Variants in EDARADD observed in about 807,000 individuals in gnomAD.
EDARADD encodes the protein EDAR associated via death domain, also known as ectodysplasin-A receptor-associated adapter protein.
Under a neutral mutation model 25.6 loss-of-function variants are expected in EDARADD, and 20 were observed. The ratio of observed to expected loss-of-function variants is 0.78; its 90% CI spans 0.55 to 1.14. The LOEUF is 1.14. Ranked by LOEUF, EDARADD falls within the 50% of genes most tolerant of loss-of-function variation. EDARADD has a pLI of 0.00. For missense variants in EDARADD, 225 were observed against 270.1 expected (o/e 0.83, Z 1.17); for synonymous variants, 86 against 94.4 (o/e 0.91, Z 0.52).
chr1:236,375,917 T>G (rs548780012), intron 3 of EDARADD, among the ~76,000 whole-genome samples: 71 of 149,038 alleles, frequency 4.8e-4, no homozygotes, highest in African/African-American at 1.6e-3. Context: ...AAAAAGAATG[T>G]TTTTATTTTA....
intron 3 of EDARADD, among the ~76,000 whole-genome samples, chr1:236,354,520 G>A (rs796733428): frequency 4.6e-5 from 7 of 152,240 alleles, no homozygotes; most frequent in South Asian, 2.1e-4. Flanking sequence ...AGTTACCAAC[G>A]AATGAAGGGT....
Position 236,446,888 on chromosome 1 carries a change from A to T in EDARADD, c.219+19438A>T, listed in dbSNP as rs1409665748. On this transcript the variant is annotated intron_variant, in intron 4 of 5. Coordinates refer to ENST00000334232, the MANE Select transcript of EDARADD (RefSeq NM_145861.4). ...ATGAAGTGTGCACGCACTGTAACGC[A>T]TGTGAATATTTAGTGTCCACATTTG... Among the ~76,000 whole-genome samples the T allele has an allele frequency of 4.6e-5, 7 of 152,334 alleles. 1 individual carries two copies. In the South Asian group the frequency reaches 1.4e-3, roughly 32 times the overall value.
At chr1:236,463,904 G>A (rs1229485698) in intron 4 of EDARADD, among the ~76,000 whole-genome samples, 2 of 152,112 alleles carry the variant, frequency 1.3e-5, no homozygotes, top group Non-Finnish European at 2.9e-5. Context: ...TACACTCCAG[G>A]CCCAGTGGAA....
chr1:236,384,941 C>G (rs1667335163), intron 3 of EDARADD, among the ~76,000 whole-genome samples: 2 of 151,880 alleles, frequency 1.3e-5, no homozygotes. Flanking sequence ...TGGATACTCA[C>G]CTTTGTTATA....
At chr1:236,428,891 C>G (rs1034309279) in intron 4 of EDARADD, among the ~76,000 whole-genome samples, 1 of 151,976 alleles carries the variant, frequency 6.6e-6, no homozygotes, top group Admixed American at 6.6e-5. Context: ...CCCGGCGCCT[C>G]GGGAGGCCGA....
At chr1:236,452,036 G>T (rs1052413231) in intron 4 of EDARADD, among the ~76,000 whole-genome samples, 11 of 152,184 alleles carry the variant, frequency 7.2e-5, no homozygotes, top group East Asian at 1.9e-4. Context: ...ATCCAGGGCG[G>T]CTCCAGCTAG....
chr1:236,454,514 G>C (rs894656389), intron 4 of EDARADD, among the ~76,000 whole-genome samples: 1 of 152,138 alleles, frequency 6.6e-6, no homozygotes, highest in Non-Finnish European at 1.5e-5. Context: ...CCTAGGCTTG[G>C]TGTCATCCAG....
intron 2 of EDARADD, among the ~76,000 whole-genome samples, chr1:236,350,007 G>A (rs969422641): frequency 6.6e-6 from 1 of 152,320 alleles, no homozygotes; most frequent in African/African-American, 2.4e-5. Context: ...AGCTACTCAG[G>A]AGGCTGAGGC....
At chr1:236,403,880 T>C (rs1157139783) in intron 1 of EDARADD, among the ~76,000 whole-genome samples, 1 of 152,132 alleles carries the variant, frequency 6.6e-6, no homozygotes, top group African/African-American at 2.4e-5. Flanking sequence ...CTTTCCAGAA[T>C]ATGCTTGAGG....
chr1:236,457,573 C>A (rs944477368), intron 4 of EDARADD, among the ~76,000 whole-genome samples: 3 of 151,936 alleles, frequency 2.0e-5, no homozygotes, highest in East Asian at 1.9e-4. Flanking sequence ...GTAATCCCAG[C>A]ACTTTGGGAG....
At chr1:236,449,954 A>T (rs1658665486) in intron 4 of EDARADD, among the ~76,000 whole-genome samples, 1 of 152,164 alleles carries the variant, frequency 6.6e-6, no homozygotes, top group Admixed American at 6.5e-5. Context: ...TACAAAAATT[A>T]GCCGGGTGTA....
At position 236,483,952 on chromosome 1, in the gene EDARADD, T is replaced by G. The variant is rs780044781; in HGVS notation, c.*1303T>G. ...GGAAAGTATGACCTGGAATTCAAGT[T>G]TCTCGACGACCCCACCAGGTACATC... On this transcript the variant is annotated 3_prime_UTR_variant, in exon 6 of 6. Transcript: ENST00000334232. The G allele has an allele frequency of 6.9e-5, 95 of 1,374,258 alleles. No homozygotes were observed. The highest frequency in any genetic ancestry group is 9.3e-5 in the Non-Finnish European group (90 of 964,308). 85.1% of individuals were successfully genotyped at this position (1,374,258 alleles called of 1,614,324 possible).
intron 2 of EDARADD, among the ~76,000 whole-genome samples, chr1:236,413,441 A>G (rs1397287368): frequency 6.6e-6 from 1 of 152,158 alleles, no homozygotes; most frequent in Admixed American, 6.5e-5. Flanking sequence ...GGAGGAAGAC[A>G]TGGGTGGAGA....
intron 4 of EDARADD, among the ~76,000 whole-genome samples, chr1:236,434,646 T>C (rs1658194184): frequency 1.3e-5 from 2 of 152,006 alleles, no homozygotes; most frequent in African/African-American, 4.8e-5. Context: ...GAAGCCCAAA[T>C]ATTGGACACC....
intron 1 of EDARADD, among the ~76,000 whole-genome samples, chr1:236,396,387 T>C (rs1022297127): frequency 5.9e-5 from 9 of 152,216 alleles, no homozygotes; most frequent in African/African-American, 1.2e-4. Flanking sequence ...TGGGTGTTTC[T>C]TGAACACACG....
intron 3 of EDARADD, among the ~76,000 whole-genome samples, chr1:236,365,639 TTTC>T (rs1269002318): frequency 1.3e-5 from 2 of 152,146 alleles, no homozygotes; most frequent in Non-Finnish European, 2.9e-5. Context: ...TTGGGTCTGA[TTTC>T]TTAGATTTGT....
chr1:236,377,380 T>C (rs926956844), intron 3 of EDARADD, among the ~76,000 whole-genome samples: 23 of 150,032 alleles, frequency 1.5e-4, no homozygotes, highest in Non-Finnish European at 3.1e-4. Context: ...GGTCTCAAAC[T>C]CCTGACCTCA....
intron 4 of EDARADD, among the ~76,000 whole-genome samples, chr1:236,447,844 C>CTT (rs112637810): frequency 4.9e-4 from 72 of 147,846 alleles, no homozygotes; most frequent in African/African-American, 1.7e-3. Flanking sequence ...TTTTTTTCTT[C>CTT]TTTTTTTTTT....
intron 3 of EDARADD, among the ~76,000 whole-genome samples, chr1:236,416,182 C>T (rs368752387): frequency 2.6e-5 from 4 of 152,132 alleles, no homozygotes; most frequent in Admixed American, 1.3e-4. Context: ...CTCAGCACAG[C>T]GGGGAGGACA....
Sources: allele counts gnomAD v4.1 joint callset (sites outside exome capture counted in the v4.1 genomes callset), GRCh38; gene constraint gnomAD v4.1.1; transcripts MANE v1.5; gene names NCBI Gene and HGNC (gene_info 2026-07-23, HGNC 2026-07-21).